The following CDH12 variants were observed in gnomAD, a reference collection of about 807,000 sequenced individuals.
CDH12 encodes the protein cadherin 12.
CDH12 carries 41 observed loss-of-function variants against 74.1 expected under a neutral mutation model. That is an observed-to-expected ratio of 0.55 (90% CI 0.43 to 0.72). CDH12 has a LOEUF of 0.72. Among genes scored for constraint, CDH12 ranks in the 30% least tolerant of loss-of-function variants. The probability of loss-of-function intolerance (pLI) is 0.00; values close to 1 mark genes in which losing one functional copy is unlikely to be tolerated. For synonymous variants in CDH12, 399 were observed against 355.0 expected (o/e 1.12, Z -1.39); for missense variants, 945 against 977.2 (o/e 0.97, Z 0.44).
chr5:21,817,100 G>A lies in CDH12; in HGVS notation c.847C>T (p.Pro283Ser). The A allele has an allele frequency of 6.2e-7, 1 of 1,611,324 alleles. No homozygotes were observed. Among genetic ancestry groups the A allele is most frequent in the Non-Finnish European group, 8.5e-7 (1 of 1,178,804 alleles). Residue 283 changes from proline to serine, a missense_variant, in exon 9 of 15, where the codon CCT (proline) becomes TCT (serine). Pro to Ser is a moderately conservative substitution (Grantham distance 74). Around this residue, in one of 3 missense-constraint regions of CDH12, gnomAD observed 791 missense variants for 792.8 expected, o/e 1.00. Transcript: ENST00000382254. ...ATTCTTCCAATAGCTGAACCAATAGGGGAAGACTCAGGAACTTTCAAGTGG... is the reference window on the plus strand; with the variant it reads ...ATTCTTCCAATAGCTGAACCAATAGAGGAAGACTCAGGAACTTTCAAGTGG... Reference protein sequence around the residue: ...IFHLKVPESSPIGSAIGRIRA... With the variant: ...IFHLKVPESSSIGSAIGRIRA...
rs569827820 is a variant in CDH12 at position 22,227,912 on chromosome 5, A to G, written c.-332-15269T>C. Among the ~76,000 whole-genome samples, 376 of 152,228 alleles carry G rather than the reference A, an allele frequency of 2.5e-3. 3 individuals carry two copies. The highest frequency in any genetic ancestry group is 2.7e-3 in the Non-Finnish European group (184 of 68,002). On this transcript the variant is annotated intron_variant, in intron 3 of 14. Transcript: ENST00000382254. ...TGTGAATGCTTTCGGATTGTCTTAG[A>G]TCAGGATGGAGCTCACGTTCATCAC...
intron 1 of CDH12, among the ~76,000 whole-genome samples, chr5:22,793,017 A>G (rs1441610997): frequency 1.3e-5 from 2 of 152,216 alleles, no homozygotes; most frequent in Admixed American, 6.5e-5. Context: ...ACCCCAAGGT[A>G]TGGTACCCAG....
chr5:22,283,003 C>T (rs529381676), intron 3 of CDH12, among the ~76,000 whole-genome samples: 7 of 151,740 alleles, frequency 4.6e-5, no homozygotes, highest in Admixed American at 6.6e-5. Context: ...TGCCCATCAA[C>T]GATAGACTGG....
At position 22,486,349 on chromosome 5, in the gene CDH12, C is replaced by CA. The variant is rs1746594368; in HGVS notation, c.-428+18920dup. On this transcript the variant is annotated intron_variant, in intron 2 of 14. Transcript: ENST00000382254. ...CTTCCAGATGTTAAAGTAAGACACACAAAAAACTCATCTTGTGATAATCTA... is the reference window on the plus strand; with the variant it reads ...CTTCCAGATGTTAAAGTAAGACACACAAAAAAACTCATCTTGTGATAATCTA... Among the ~76,000 whole-genome samples the CA allele has an allele frequency of 2.6e-5, 4 of 151,288 alleles. No homozygotes were observed. The South Asian group carries it at 8.3e-4, about 31-fold the overall frequency.
At chr5:22,199,324 G>A (rs1750793036) in intron 4 of CDH12, among the ~76,000 whole-genome samples, 1 of 152,184 alleles carries the variant, frequency 6.6e-6, no homozygotes, top group African/African-American at 2.4e-5. Context: ...AGATAACTCA[G>A]GAGTCTGTAA....
intron 3 of CDH12, among the ~76,000 whole-genome samples, chr5:22,359,950 T>C (rs1313805011): frequency 6.6e-6 from 1 of 152,112 alleles, no homozygotes; most frequent in Non-Finnish European, 1.5e-5. Flanking sequence ...GGGAAATTTA[T>C]AGCACTAAAT....
intron 3 of CDH12, among the ~76,000 whole-genome samples, chr5:22,384,101 G>A (rs1396423766): frequency 6.6e-6 from 1 of 151,928 alleles, no homozygotes; most frequent in Admixed American, 6.6e-5. Context: ...ATATCTGTCT[G>A]CAGATAGCTT....
At chr5:22,139,100 T>C in intron 4 of CDH12, 2 of 150,338 alleles carry the variant, frequency 1.3e-5, no homozygotes, top group Non-Finnish European at 3.0e-5. Context: ...TTAAAAATAA[T>C]AGTAATAATT....
chr5:22,445,319 C>T (rs1744778090), intron 2 of CDH12, among the ~76,000 whole-genome samples: 1 of 152,030 alleles, frequency 6.6e-6, no homozygotes, highest in Non-Finnish European at 1.5e-5. Context: ...AATCTTGGGG[C>T]TTAAGAAACA....
At chr5:22,388,189 G>A (rs1029788546) in intron 3 of CDH12, among the ~76,000 whole-genome samples, 2 of 151,986 alleles carry the variant, frequency 1.3e-5, no homozygotes, top group Non-Finnish European at 2.9e-5. Flanking sequence ...TTGGTGGATG[G>A]GATATAGGAT....
At chr5:22,417,818 C>A (rs192257631) in intron 2 of CDH12, among the ~76,000 whole-genome samples, 30 of 152,104 alleles carry the variant, frequency 2.0e-4, no homozygotes, top group East Asian at 7.7e-4. Flanking sequence ...TTTGGATATT[C>A]TTATCTAATA....
At chr5:22,108,301 G>A (rs1475540818) in intron 4 of CDH12, among the ~76,000 whole-genome samples, 1 of 152,182 alleles carries the variant, frequency 6.6e-6, no homozygotes, top group Non-Finnish European at 1.5e-5. Flanking sequence ...CGACTGTGAG[G>A]ACTCCCCAGC....
Position 22,072,710 on chromosome 5 carries a change from C to T in CDH12, c.231+5736G>A, listed in dbSNP as rs533426397. Among the ~76,000 whole-genome samples the T allele has an allele frequency of 9.5e-4, 144 of 152,178 alleles. 1 individual carries two copies. Among genetic ancestry groups the T allele is most frequent in the African/African-American group, 3.3e-3 (135 of 41,530 alleles). The stretch of plus-strand genomic sequence containing the variant: ...TTTACATTAGGTATATCTCCTAATG[C>T]TATCCCTCCCCCCTCTCCCCACCCC... On this transcript the variant is annotated intron_variant, in intron 5 of 14. Coordinates refer to ENST00000382254, the MANE Select transcript of CDH12 (RefSeq NM_004061.5).
intron 3 of CDH12, among the ~76,000 whole-genome samples, chr5:22,327,819 A>G (rs1739185679): frequency 2.0e-5 from 3 of 152,184 alleles, no homozygotes. Flanking sequence ...TCGCTTAAAC[A>G]AAATTACCTT....
chr5:22,008,721 G>C (rs1425435340), intron 5 of CDH12, among the ~76,000 whole-genome samples: 2 of 152,110 alleles, frequency 1.3e-5, no homozygotes, highest in Non-Finnish European at 2.9e-5. Flanking sequence ...TGGGCTTAGG[G>C]TACATTCCTC....
chr5:22,165,883 T>C (rs1383445726), intron 4 of CDH12, among the ~76,000 whole-genome samples: 1 of 152,182 alleles, frequency 6.6e-6, no homozygotes, highest in Non-Finnish European at 1.5e-5. Flanking sequence ...GATCAGGAAG[T>C]TACCCTATAT....
At chr5:22,796,815 C>T (rs1748248265) in intron 1 of CDH12, among the ~76,000 whole-genome samples, 1 of 151,830 alleles carries the variant, frequency 6.6e-6, no homozygotes, top group African/African-American at 2.4e-5. Flanking sequence ...CCACCGCGCC[C>T]GGCCCAGATT....
intron 4 of CDH12, among the ~76,000 whole-genome samples, chr5:22,180,002 G>T (rs1306351532): frequency 6.6e-6 from 1 of 152,152 alleles, no homozygotes; most frequent in Non-Finnish European, 1.5e-5. Context: ...TAACATGGAA[G>T]ATCATGAATC....
intron 1 of CDH12, among the ~76,000 whole-genome samples, chr5:22,527,518 T>C (rs112621727): frequency 3.6e-4 from 55 of 152,300 alleles, no homozygotes; most frequent in African/African-American, 1.2e-3. Flanking sequence ...ATTACTGCTT[T>C]GAGTGTGCTG....
Sources: gnomAD v4.1 joint callset for allele counts (sites outside exome capture counted in the v4.1 genomes callset) on GRCh38, gnomAD v4.1.1 for gene constraint, gnomAD v4.1.1 regional missense constraint, MANE v1.5 for transcripts, NCBI Gene and HGNC (gene_info 2026-07-23, HGNC 2026-07-21) for gene names.